ZBTB40: variants seen among roughly 807,000 people sequenced by gnomAD.
ZBTB40 encodes the protein zinc finger and BTB domain containing 40, also known as zinc finger and BTB domain-containing protein 40.
Under a neutral mutation model 117.5 loss-of-function variants are expected in ZBTB40, and 60 were observed. The observed-to-expected ratio is 0.51, with a 90% CI of 0.41 to 0.63. ZBTB40 has a LOEUF of 0.63. Among genes scored for constraint, ZBTB40 ranks in the 30% least tolerant of loss-of-function variants. ZBTB40 has a pLI of 0.00. For synonymous variants in ZBTB40, 525 were observed against 577.1 expected (o/e 0.91, Z 1.29); for missense variants, 1,287 against 1,498.5 (o/e 0.86, Z 2.33).
At chr1:22,446,721 C>T (rs1392036886) in intron 1 of ZBTB40, among the ~76,000 whole-genome samples, 1 of 152,074 alleles carries the variant, frequency 6.6e-6, no homozygotes, top group Non-Finnish European at 1.5e-5. Flanking sequence ...AAGACTTTCT[C>T]AGACGAACAA....
At chr1:22,455,109 C>A (rs1047008563) in intron 1 of ZBTB40, among the ~76,000 whole-genome samples, 8 of 152,164 alleles carry the variant, frequency 5.3e-5, no homozygotes, top group African/African-American at 1.9e-4. Flanking sequence ...CTATGCAGAA[C>A]ACTTTTCAGC....
chr1:22,480,967 G>C (rs1207484812), intron 1 of ZBTB40, among the ~76,000 whole-genome samples: 1 of 152,116 alleles, frequency 6.6e-6, no homozygotes, highest in Admixed American at 6.5e-5. Context: ...CCTTCTACCT[G>C]CCTGAAGCTA....
At chr1:22,465,598 G>T (rs373020203) in intron 1 of ZBTB40, among the ~76,000 whole-genome samples, 2 of 152,192 alleles carry the variant, frequency 1.3e-5, no homozygotes, top group East Asian at 1.9e-4. Context: ...GTTGTTCATG[G>T]TGCTTGGGCT....
intron 1 of ZBTB40, among the ~76,000 whole-genome samples, chr1:22,437,709 T>C (rs575770904): frequency 1.3e-5 from 2 of 151,782 alleles, no homozygotes; most frequent in Non-Finnish European, 2.9e-5. Context: ...CGTGAGCCAC[T>C]GTTCCTGGCC....
chr1:22,451,590 G>A (rs1241200517), upstream of ZBTB40, among the ~76,000 whole-genome samples: 1 of 151,926 alleles, frequency 6.6e-6, no homozygotes, highest in African/African-American at 2.4e-5. Flanking sequence ...GGCTGCAGTG[G>A]GGCGAGATCG....
At chr1:22,446,578 C>G (rs1393420123) in intron 1 of ZBTB40, among the ~76,000 whole-genome samples, 1 of 151,856 alleles carries the variant, frequency 6.6e-6, no homozygotes, top group Non-Finnish European at 1.5e-5. Context: ...CATCTAACTT[C>G]TCCATGAAAG....
intron 1 of ZBTB40, among the ~76,000 whole-genome samples, chr1:22,460,080 C>A (rs1641096463): frequency 6.6e-6 from 1 of 152,188 alleles, no homozygotes; most frequent in African/African-American, 2.4e-5. Context: ...CCTTAAAGCT[C>A]ATCCTATTAT....
chr1:22,487,492 G>A (rs1259648908), intron 1 of ZBTB40, among the ~76,000 whole-genome samples: 4 of 152,058 alleles, frequency 2.6e-5, no homozygotes, highest in Admixed American at 6.6e-5. Context: ...GTCTGTTCTT[G>A]TATTATCTGG....
intron 3 of ZBTB40, among the ~76,000 whole-genome samples, chr1:22,500,644 C>A (rs1391419123): frequency 6.6e-6 from 1 of 152,148 alleles, no homozygotes; most frequent in Non-Finnish European, 1.5e-5. Flanking sequence ...CTGCCAAGTG[C>A]CACCGAAAGG....
In ZBTB40 at chr1:22,512,048, G is replaced by A. The variant is rs377415008; in HGVS notation, c.2375G>A (p.Gly792Asp). Residue 792 changes from glycine to aspartate, a missense_variant, in exon 11 of 18, where the codon GGT becomes GAT. Coordinates refer to ENST00000375647, the MANE Select transcript of ZBTB40 (RefSeq NM_014870.4). ...CATCAGCTGGAGGCCCATGGTGCAG[G>A]TGGAGAGCCCGATGCCCCCAAGAAG... ...DKHQLEAHGAGGEPDAPKKKK... is the reference protein window; with the variant it reads ...DKHQLEAHGADGEPDAPKKKK... 6.2e-7 allele frequency: 1 copy of A among 1,614,148 alleles called. No individual in the cohort carries two copies. Among genetic ancestry groups the A allele is most frequent in the Non-Finnish European group, 8.5e-7 (1 of 1,180,046 alleles).
chr1:22,513,103 T>C lies in ZBTB40; in HGVS notation c.2641T>C (p.Tyr881His). The C allele has an allele frequency of 6.2e-7, 1 of 1,614,140 alleles. No individual in the cohort carries two copies. Among genetic ancestry groups the C allele is most frequent in the Non-Finnish European group, 8.5e-7 (1 of 1,180,016 alleles). The change falls in exon 12 of 18, where the codon TAT becomes CAT. Residue 881 changes from tyrosine (Y) to histidine (H), a missense_variant. Physicochemically the swap from Tyr to His is moderately conservative, Grantham distance 83 (BLOSUM62 2). Around this residue, in one of 2 missense-constraint regions of ZBTB40, gnomAD observed 417 missense variants for 564.1 expected, o/e 0.74. Coordinates refer to ENST00000375647, the MANE Select transcript of ZBTB40 (RefSeq NM_014870.4). The surrounding 1 kb of genome is among the most constrained non-coding windows in gnomAD (Gnocchi z 4.9). ...CTTCACCCAGGCCTCCGCCCTGGCCTATCACACCAAGAAGAAGCACTCAGA... is the reference window on the plus strand; with the variant it reads ...CTTCACCCAGGCCTCCGCCCTGGCCCATCACACCAAGAAGAAGCACTCAGA... ...MTFTQASALA[Y>H]HTKKKHSEGK...
intron 4 of ZBTB40, 62 bp from the exon 5 acceptor site, chr1:22,502,237 T>C: frequency 6.4e-7 from 1 of 1,562,386 alleles, no homozygotes; most frequent in Non-Finnish European, 8.7e-7. Context: ...TGACAAACCA[T>C]GCTGTCATTT....
At chr1:22,476,950 C>A (rs1569808868) in intron 1 of ZBTB40, among the ~76,000 whole-genome samples, 1 of 152,212 alleles carries the variant, frequency 6.6e-6, no homozygotes. Flanking sequence ...AGTGCCCTTT[C>A]ACCACATGAC....
In ZBTB40 at chr1:22,481,416, T is replaced by G. The variant is rs1364510168; in HGVS notation, c.-69-8464T>G. 2.0e-5 allele frequency among the ~76,000 whole-genome samples: 3 copies of G among 152,196 alleles called. No individual in the cohort carries two copies. In the East Asian group the frequency reaches 5.8e-4, roughly 29 times the overall value. ...TTCATTGCTCAAGCTTATAATCACC[T>G]TTTTAGTATCTATATATTGGTAAGC... On this transcript the variant is annotated intron_variant, in intron 1 of 17. Coordinates refer to ENST00000375647, the MANE Select transcript of ZBTB40 (RefSeq NM_014870.4).
intron 1 of ZBTB40, among the ~76,000 whole-genome samples, chr1:22,464,156 T>G (rs1641197595): frequency 6.6e-6 from 1 of 152,360 alleles, no homozygotes; most frequent in Admixed American, 6.5e-5. Flanking sequence ...AAAGGTACTA[T>G]TACTATCTGC....
Position 22,518,705 on chromosome 1 carries a change from A to G in ZBTB40, c.2833+1241A>G, listed in dbSNP as rs960373711. 2.6e-5 allele frequency among the ~76,000 whole-genome samples: 4 copies of G among 152,164 alleles called. 1 individual carries two copies. The highest frequency in any genetic ancestry group is 2.1e-4 in the South Asian group (1 of 4,826). ...CATGTGGCTAGACATTGGGTGATGC[A>G]GGGGGAAAATAAAGTGTGGCCCTTT... On this transcript the variant is annotated intron_variant, in intron 13 of 17. Coordinates refer to ENST00000375647, the MANE Select transcript of ZBTB40 (RefSeq NM_014870.4).
intron 1 of ZBTB40, among the ~76,000 whole-genome samples, chr1:22,470,419 C>A (rs1322863927): frequency 1.3e-5 from 2 of 152,064 alleles, no homozygotes; most frequent in Non-Finnish European, 2.9e-5. Context: ...AGAAAGGGAA[C>A]AAGGAATGAG....
At chr1:22,517,703 C>A in intron 13 of ZBTB40, 1 of 522,878 alleles carries the variant, frequency 1.9e-6, no homozygotes, top group Non-Finnish European at 3.3e-6. Context: ...TCCTTTTTAG[C>A]CCACCTGGCA....
chr1:22,526,497 A>G lies in ZBTB40; in HGVS notation c.*101A>G. 6.8e-7 allele frequency: 1 copy of G among 1,470,074 alleles called. No individual in the cohort carries two copies. The highest frequency in any genetic ancestry group is 9.4e-7 in the Non-Finnish European group (1 of 1,062,834). 91.1% of individuals were successfully genotyped at this position (1,470,074 alleles called of 1,614,324 possible). On this transcript the variant is annotated 3_prime_UTR_variant, in exon 18 of 18. Coordinates refer to ENST00000375647, the MANE Select transcript of ZBTB40 (RefSeq NM_014870.4). ...TCCCTGGCTGTCCTGAGTGGTGAGC[A>G]TCTTAGCTTAGCACCAACCAACACA...
Sources: allele counts gnomAD v4.1 joint callset (sites outside exome capture counted in the v4.1 genomes callset), GRCh38; gene constraint gnomAD v4.1.1; regional missense constraint gnomAD v4.1.1; non-coding constraint Gnocchi (gnomAD v3.1); transcripts MANE v1.5; gene names NCBI Gene and HGNC (gene_info 2026-07-23, HGNC 2026-07-21).